RBFOX1: variants seen among roughly 807,000 people sequenced by gnomAD.
RBFOX1 encodes RNA binding protein fox-1 homolog 1.
In RBFOX1, 8 loss-of-function variants were observed where a neutral mutation model predicts 57.7. The ratio of observed to expected loss-of-function variants is 0.14; its 90% CI spans 0.08 to 0.25. The LOEUF is 0.25. Among genes scored for constraint, RBFOX1 ranks in the 10% least tolerant of loss-of-function variants. RBFOX1 has a pLI of 1.00. For synonymous variants in RBFOX1, 326 were observed against 222.4 expected (o/e 1.47, Z -4.15); for missense variants, 611 against 548.5 (o/e 1.11, Z -1.14).
chr16:7,098,513 A>G (rs1394417805), intron 4 of RBFOX1, among the ~76,000 whole-genome samples: 2 of 152,224 alleles, frequency 1.3e-5, no homozygotes, highest in Non-Finnish European at 2.9e-5. Context: ...AAATTAAGCC[A>G]AAGATAGCAT....
intron 2 of RBFOX1, among the ~76,000 whole-genome samples, chr16:6,394,927 C>A (rs1342532234): frequency 1.3e-5 from 2 of 152,144 alleles, no homozygotes; most frequent in Non-Finnish European, 2.9e-5. Context: ...TTTAAAACCA[C>A]TTTTGCTCTT....
chr16:5,335,149 G>T (rs1358211768), intron 1 of RBFOX1, among the ~76,000 whole-genome samples: 1 of 152,014 alleles, frequency 6.6e-6, no homozygotes, highest in East Asian at 1.9e-4. Flanking sequence ...TTATCTCTTT[G>T]GCTGTTTTTC....
chr16:6,917,309 T>C (rs1007884343), intron 3 of RBFOX1, among the ~76,000 whole-genome samples: 1 of 152,238 alleles, frequency 6.6e-6, no homozygotes, highest in African/African-American at 2.4e-5. Context: ...GAACAGAGGA[T>C]GTCACAGTTA....
intron 3 of RBFOX1, among the ~76,000 whole-genome samples, chr16:5,653,424 G>A (rs2049314819): frequency 1.3e-5 from 2 of 149,556 alleles, no homozygotes; most frequent in South Asian, 2.2e-4. Context: ...GTTTCTTTGA[G>A]GCAGGTGGGG....
chr16:5,945,619 C>T (rs1267585060), intron 4 of RBFOX1, among the ~76,000 whole-genome samples: 1 of 115,790 alleles, frequency 8.6e-6, no homozygotes, highest in Non-Finnish European at 1.6e-5. Context: ...CCTAGGTTCA[C>T]AGAGCCAGGG....
At chr16:6,931,770 G>A (rs996738648) in intron 3 of RBFOX1, among the ~76,000 whole-genome samples, 2 of 152,140 alleles carry the variant, frequency 1.3e-5, no homozygotes, top group Non-Finnish European at 2.9e-5. Flanking sequence ...CCTGTGGTCT[G>A]CCACAAACTG....
At chr16:6,488,047 C>T (rs8054287) in intron 2 of RBFOX1, among the ~76,000 whole-genome samples, 27,610 of 151,972 alleles carry the variant, frequency 0.18, 2,526 homozygotes, top group Middle Eastern at 0.21. Flanking sequence ...ATTTACTCCA[C>T]GCTTTCAATC....
chr16:5,354,838 A>G (rs4786676), intron 1 of RBFOX1, among the ~76,000 whole-genome samples: 12,593 of 152,302 alleles, frequency 0.083, 701 homozygotes, highest in East Asian at 0.21. Context: ...GGCAGCAGCC[A>G]CTTGTCACCA....
At chr16:7,058,288 G>GT (rs1300747657) in intron 4 of RBFOX1, among the ~76,000 whole-genome samples, 4 of 152,130 alleles carry the variant, frequency 2.6e-5, no homozygotes, top group Non-Finnish European at 5.9e-5. Flanking sequence ...TTAAACTAAA[G>GT]TATCTTTAGC....
chr16:6,280,262 C>A (rs1489044224), intron 1 of RBFOX1, among the ~76,000 whole-genome samples: 1 of 152,150 alleles, frequency 6.6e-6, no homozygotes, highest in Non-Finnish European at 1.5e-5. Context: ...GTCCCAGAAT[C>A]CAAGGACAGC....
intron 1 of RBFOX1, among the ~76,000 whole-genome samples, chr16:6,223,660 A>G (rs2097394338): frequency 6.6e-6 from 1 of 151,810 alleles, no homozygotes. Flanking sequence ...TCGCCTGTTC[A>G]CTCTGATGGT....
intron 4 of RBFOX1, among the ~76,000 whole-genome samples, chr16:7,093,755 A>C (rs1053648581): frequency 6.6e-6 from 1 of 152,110 alleles, no homozygotes; most frequent in African/African-American, 2.4e-5. Context: ...GAAGCTGTTG[A>C]TGTAAATTGA....
chr16:5,921,984 T>C (rs750079633), intron 4 of RBFOX1, among the ~76,000 whole-genome samples: 3 of 146,086 alleles, frequency 2.1e-5, no homozygotes, highest in Non-Finnish European at 3.0e-5. Context: ...GGACGCCATC[T>C]TCACAAAAAA....
intron 2 of RBFOX1, among the ~76,000 whole-genome samples, chr16:6,576,255 C>A (rs552413126): frequency 6.6e-6 from 1 of 152,166 alleles, no homozygotes; most frequent in Non-Finnish European, 1.5e-5. Context: ...AGGGACCACT[C>A]TGGTCAGGAT....
chr16:6,039,953 C>T (rs1341028737), intron 1 of RBFOX1, among the ~76,000 whole-genome samples: 2 of 152,180 alleles, frequency 1.3e-5, no homozygotes, highest in Admixed American at 6.5e-5. Flanking sequence ...TTCCCTGCCA[C>T]ATGTGCCATG....
intron 1 of RBFOX1, among the ~76,000 whole-genome samples, chr16:6,077,847 T>G (rs2095932154): frequency 6.6e-6 from 1 of 151,924 alleles, no homozygotes; most frequent in Admixed American, 6.6e-5. Context: ...TCTTAGAGCT[T>G]TTGGGAGCTT....
intron 13 of RBFOX1, among the ~76,000 whole-genome samples, chr16:7,673,596 G>A (rs1023758048): frequency 6.6e-5 from 10 of 152,124 alleles, no homozygotes; most frequent in Non-Finnish European, 1.5e-4. Context: ...GGTGCTTAAT[G>A]GGTAACTACC....
At chr16:7,595,443 G>C in intron 7 of RBFOX1, 106 bp from the exon 8 acceptor site, 1 of 849,966 alleles carries the variant, frequency 1.2e-6, no homozygotes, top group South Asian at 2.5e-5. Flanking sequence ...TTACAGAACT[G>C]AAGCCAGGAC....
intron 3 of RBFOX1, among the ~76,000 whole-genome samples, chr16:6,659,434 TGAACTCA>T (rs2098687309): frequency 6.6e-6 from 1 of 152,196 alleles, no homozygotes; most frequent in African/African-American, 2.4e-5. Flanking sequence ...CTGAGAGTTC[TGAACTCA>T]TCTTTTTACA....
Sources: allele counts gnomAD v4.1 joint callset (sites outside exome capture counted in the v4.1 genomes callset), GRCh38; gene constraint gnomAD v4.1.1; transcripts MANE v1.5; gene names NCBI Gene and HGNC (gene_info 2026-07-23, HGNC 2026-07-21).